Variants in ZNF69 observed in about 807,000 individuals in gnomAD.
ZNF69 encodes ZNF3.
In ZNF69, 47 loss-of-function variants were observed where a neutral mutation model predicts 50.9. The ratio of observed to expected loss-of-function variants is 0.92; its 90% CI spans 0.73 to 1.18. The LOEUF (loss-of-function observed/expected upper bound fraction) is 1.18. Ranked by LOEUF, ZNF69 falls within the 50% of genes most tolerant of loss-of-function variation. The pLI, the probability that ZNF69 is intolerant of heterozygous loss-of-function variation, is 0.00. For missense variants in ZNF69, 717 were observed against 675.1 expected (o/e 1.06, Z -0.69); for synonymous variants, 216 against 223.1 (o/e 0.97, Z 0.29).
chr19:11,903,500 C>A, intron 1 of ZNF69, 73 bp from the exon 2 acceptor site: 2 of 1,589,378 alleles, frequency 1.3e-6, no homozygotes, highest in South Asian at 1.1e-5. Context: ...CTGAGAACTT[C>A]TTGAGAATAG....
At chr19:11,956,446 C>CT in the ZNF69 span, 3 of 396,502 alleles carry the variant, frequency 7.6e-6, no homozygotes, top group South Asian at 4.1e-4. Flanking sequence ...CTATAATAAA[C>CT]CGAGTTTGAG....
chr19:11,927,182 A>G, the ZNF69 span, among the ~76,000 whole-genome samples: 1 of 152,046 alleles, frequency 6.6e-6, no homozygotes, highest in African/African-American at 2.4e-5. Context: ...GTGAAACCCC[A>G]TCTCTTCCAA....
At position 11,905,788 on chromosome 19, in the gene ZNF69, G is replaced by A; in HGVS notation, c.1391G>A (p.Arg464Lys). 1.2e-6 allele frequency: 2 copies of A among 1,613,604 alleles called. No homozygotes were observed. Among genetic ancestry groups the A allele is most frequent in the Non-Finnish European group, 1.7e-6 (2 of 1,179,952 alleles). Reference protein sequence around the residue: ...RSMKNLQSHERTQTHVRIHSG... With the variant: ...RSMKNLQSHEKTQTHVRIHSG... Reference sequence around the variant, plus strand: ...ATGAAGAACCTTCAAAGTCATGAAAGGACACAAACACACGTAAGAATACAC... The same window carrying A: ...ATGAAGAACCTTCAAAGTCATGAAAAGACACAAACACACGTAAGAATACAC... Residue 464 changes from arginine (R) to lysine (K), a missense_variant, in exon 4 of 4, where the codon AGG (arginine) becomes AAG (lysine). Coordinates refer to ENST00000429654, the MANE Select transcript of ZNF69 (RefSeq NM_001364730.1).
chr19:11,917,857 G>A (rs565131480), downstream of ZNF69, among the ~76,000 whole-genome samples: 853 of 147,170 alleles, frequency 5.8e-3, 14 homozygotes, highest in African/African-American at 0.021. Flanking sequence ...GCAGGATCTC[G>A]GCTCACTGCA....
the ZNF69 span, chr19:11,940,042 C>T: frequency 6.6e-6 from 1 of 151,828 alleles, no homozygotes; most frequent in African/African-American, 2.4e-5. Context: ...AGCAATTCTC[C>T]TGTCTCAGCC....
Position 11,904,962 on chromosome 19 carries a change from G to A in ZNF69, c.565G>A (p.Glu189Lys), listed in dbSNP as rs1972331841. The change falls in exon 4 of 4, where the codon GAG becomes AAG. Residue 189 changes from glutamate to lysine, a missense_variant. Glu to Lys is a moderately conservative substitution (Grantham distance 56). Coordinates refer to ENST00000429654, the MANE Select transcript of ZNF69 (RefSeq NM_001364730.1). ...AACACCACAAAGGGATCACACTGGA[G>A]AGAAACCCTATGCTTGTAAAGAATG... is the stretch of plus-strand genomic sequence containing the variant. Reference protein sequence around the residue: ...FRTPQRDHTGEKPYACKECGK... With the variant: ...FRTPQRDHTGKKPYACKECGK... The A allele has an allele frequency of 1.9e-6, 3 of 1,614,174 alleles. No individual in the cohort carries two copies. Among genetic ancestry groups the A allele is most frequent in the Non-Finnish European group, 2.5e-6 (3 of 1,180,026 alleles).
the ZNF69 span, among the ~76,000 whole-genome samples, chr19:11,926,055 G>GC: frequency 7.9e-5 from 12 of 152,224 alleles, no homozygotes; most frequent in African/African-American, 4.8e-5. Flanking sequence ...AGAGTGTGAA[G>GC]TTTGTCTAAA....
the ZNF69 span, among the ~76,000 whole-genome samples, chr19:11,941,619 A>G: frequency 6.6e-6 from 1 of 152,162 alleles, no homozygotes; most frequent in Non-Finnish European, 1.5e-5. Flanking sequence ...ACGCCCACCC[A>G]GAACTCCAGC....
chr19:11,948,937 C>G, the ZNF69 span: 4 of 1,608,328 alleles, frequency 2.5e-6, no homozygotes, highest in African/African-American at 1.3e-5. Context: ...GGGAGAGAAG[C>G]CTTATCAATG....
At chr19:11,902,748 C>T (rs1185013711) in intron 1 of ZNF69, among the ~76,000 whole-genome samples, 1 of 151,578 alleles carries the variant, frequency 6.6e-6, no homozygotes, top group Admixed American at 6.6e-5. Flanking sequence ...AAAGATTACA[C>T]TTTGGGAACA....
the ZNF69 span, chr19:11,965,288 C>T: frequency 3.7e-6 from 6 of 1,600,472 alleles, no homozygotes; most frequent in South Asian, 6.7e-5. Flanking sequence ...GCGGCGGGAC[C>T]CGGGCCTCCC....
the ZNF69 span, among the ~76,000 whole-genome samples, chr19:11,943,314 C>G: frequency 6.6e-6 from 1 of 151,998 alleles, no homozygotes; most frequent in South Asian, 2.1e-4. Flanking sequence ...TTCCATAGAC[C>G]CCTCCTTTAG....
chr19:11,944,041 TCCA>T, the ZNF69 span, among the ~76,000 whole-genome samples: 1 of 152,152 alleles, frequency 6.6e-6, no homozygotes, highest in Admixed American at 6.5e-5. Flanking sequence ...TGTGGTCCCT[TCCA>T]CCATGGGCAC....
intron 1 of ZNF69, among the ~76,000 whole-genome samples, chr19:11,897,331 GA>G (rs1263709326): frequency 2.6e-5 from 4 of 151,428 alleles, no homozygotes; most frequent in Non-Finnish European, 5.9e-5. Context: ...TGGGCAACAA[GA>G]GTGAAACTCC....
the ZNF69 span, chr19:11,979,102 C>G: frequency 6.2e-7 from 1 of 1,613,850 alleles, no homozygotes; most frequent in Non-Finnish European, 8.5e-7. Flanking sequence ...TGGAGAAAGA[C>G]CTTATAAATG....
chr19:11,974,838 AGT>A, the ZNF69 span, among the ~76,000 whole-genome samples: 1,802 of 152,282 alleles, frequency 0.012, 16 homozygotes, highest in Non-Finnish European at 0.017. Flanking sequence ...GCTGACCTCA[AGT>A]GATACGCCTG....
At chr19:11,949,652 A>G in the ZNF69 span, 2 of 1,614,024 alleles carry the variant, frequency 1.2e-6, no homozygotes, top group Non-Finnish European at 1.7e-6. Flanking sequence ...CAATGTGGTA[A>G]AGCCTTCAGA....
Position 11,900,286 on chromosome 19 carries a change from A to G in ZNF69, c.64-3287A>G, listed in dbSNP as rs570332161. ...TTTGCTCTTTAATAACATGTAATGT[A>G]GGGCATCCTGTCATATGTTTGTTTG... On this transcript the variant is annotated intron_variant, in intron 1 of 3. Transcript: ENST00000429654. Among the ~76,000 whole-genome samples, 341 of 151,592 alleles carry G rather than the reference A, an allele frequency of 2.2e-3. 3 individuals are homozygous for G. Among genetic ancestry groups the G allele is most frequent in the African/African-American group, 7.7e-3 (318 of 41,344 alleles).
the ZNF69 span, among the ~76,000 whole-genome samples, chr19:11,938,408 C>T: frequency 2.6e-5 from 4 of 152,198 alleles, no homozygotes; most frequent in Non-Finnish European, 5.9e-5. Context: ...TGACAGGCCC[C>T]GGTGTGTGAT....
Sources: allele counts gnomAD v4.1 joint callset (sites outside exome capture counted in the v4.1 genomes callset), GRCh38; gene constraint gnomAD v4.1.1; transcripts MANE v1.5; gene names NCBI Gene and HGNC (gene_info 2026-07-23, HGNC 2026-07-21).